FLNB: variants seen among roughly 807,000 people sequenced by gnomAD.
FLNB encodes the protein filamin B.
In FLNB, 111 loss-of-function variants were observed where a neutral mutation model predicts 250.6. That is an observed-to-expected ratio of 0.44 (90% CI 0.38 to 0.52). The LOEUF is 0.52. FLNB is among the 20% of genes least tolerant of loss of function. The probability of loss-of-function intolerance (pLI) is 0.00; values close to 1 mark genes in which losing one functional copy is unlikely to be tolerated. For synonymous variants in FLNB, 1,302 were observed against 1,372.1 expected (o/e 0.95, Z 1.13); for missense variants, 2,869 against 3,447.8 (o/e 0.83, Z 4.20).
At chr3:58,027,456 A>G (rs920587890) in intron 1 of FLNB, among the ~76,000 whole-genome samples, 1 of 151,900 alleles carries the variant, frequency 6.6e-6, no homozygotes, top group African/African-American at 2.4e-5. Flanking sequence ...TAACTTTTGT[A>G]TTTTTAGTAT....
In FLNB at chr3:58,045,991, T is replaced by TC. The variant is rs1317824728; in HGVS notation, c.293-31053dup. 3.0e-5 allele frequency among the ~76,000 whole-genome samples: 3 copies of TC among 99,102 alleles called. No individual in the cohort carries two copies. The South Asian group carries it at 1.3e-3, about 44-fold the overall frequency. 65.0% of individuals were successfully genotyped at this position (99,102 alleles called of 152,430 possible). A position where few individuals can be genotyped will look rare whatever the true frequency, so the allele number is the denominator to read the frequency against. On this transcript the variant is annotated intron_variant, in intron 1 of 45. Coordinates refer to ENST00000295956, the MANE Select transcript of FLNB (RefSeq NM_001457.4). ...TACAGCCTGGGCTACAGAGCGAGAC[T>TC]CCGTCTCCAAAAAAAAAAAAAAAAA...
rs1164066480 is a variant in FLNB at position 58,159,538 on chromosome 3, T to C, written c.6889-16T>C. 1.2e-6 allele frequency: 2 copies of C among 1,613,882 alleles called. No individual in the cohort carries two copies. Among genetic ancestry groups the C allele is most frequent in the African/African-American group, 1.3e-5 (1 of 74,946 alleles). On this transcript the variant is annotated splice_polypyrimidine_tract_variant and intron_variant, in intron 41 of 45. Coordinates refer to ENST00000295956, the MANE Select transcript of FLNB (RefSeq NM_001457.4). ...ACGCCGAGGGCCATAACCTGTCTGA[T>C]GTATTAAATTCTCAGGAATCGGGAT...
chr3:58,101,634 C>T (rs899376360), intron 8 of FLNB, among the ~76,000 whole-genome samples: 1 of 152,194 alleles, frequency 6.6e-6, no homozygotes, highest in Non-Finnish European at 1.5e-5. Flanking sequence ...ACAGACAGCA[C>T]GAAAAGATTG....
chr3:58,024,662 A>C (rs1426503336), intron 1 of FLNB, among the ~76,000 whole-genome samples: 1 of 139,356 alleles, frequency 7.2e-6, no homozygotes, highest in Admixed American at 7.3e-5. Flanking sequence ...AACCATCATG[A>C]GTGGCATTTC....
rs369151946 is a variant in FLNB, at chr3:58,076,657, C to T, written c.293-389C>T. On this transcript the variant is annotated intron_variant, in intron 1 of 45. Coordinates refer to ENST00000295956, the MANE Select transcript of FLNB (RefSeq NM_001457.4). ...TTTTTTGGGTAGAGAGGGAGTTTTG[C>T]CATGTTGCCCAGGCTGGTCTTGAAC... Among the ~76,000 whole-genome samples, 29 of 151,090 alleles carry T rather than the reference C, an allele frequency of 1.9e-4. No individual in the cohort carries two copies. The South Asian group carries it at 6.1e-3, about 32-fold the overall frequency.
intron 43 of FLNB, 121 bp from the exon 44 acceptor site, chr3:58,168,319 C>G: frequency 1.3e-6 from 1 of 795,888 alleles, no homozygotes; most frequent in Admixed American, 2.0e-5. Context: ...CCAGTGGGTT[C>G]CCATGCCACC....
intron 42 of FLNB, among the ~76,000 whole-genome samples, chr3:58,160,165 C>T (rs1466323733): frequency 6.6e-6 from 1 of 152,182 alleles, no homozygotes; most frequent in Non-Finnish European, 1.5e-5. Flanking sequence ...CATATTGTAA[C>T]AACATCTTAC....
intron 1 of FLNB, among the ~76,000 whole-genome samples, chr3:58,070,238 T>C (rs2097192153): frequency 6.6e-6 from 1 of 151,878 alleles, no homozygotes; most frequent in Non-Finnish European, 1.5e-5. Flanking sequence ...GGAGACAGGG[T>C]TTCACCATGT....
intron 1 of FLNB, among the ~76,000 whole-genome samples, chr3:58,009,664 G>T (rs1398179865): frequency 6.6e-6 from 1 of 152,198 alleles, no homozygotes; most frequent in Non-Finnish European, 1.5e-5. Flanking sequence ...CCATTTTACA[G>T]ATAAGGGGGT....
intron 4 of FLNB, among the ~76,000 whole-genome samples, chr3:58,085,818 A>G (rs748605673): frequency 5.3e-5 from 8 of 152,196 alleles, no homozygotes; most frequent in Non-Finnish European, 1.0e-4. Context: ...AAAGCTCCGC[A>G]GAAGTTTACA....
intron 42 of FLNB, among the ~76,000 whole-genome samples, chr3:58,160,029 C>T (rs548419413): frequency 1.3e-5 from 2 of 152,052 alleles, no homozygotes; most frequent in South Asian, 4.2e-4. Context: ...CAGAGTGAGA[C>T]CCTGTCTCCA....
chr3:58,160,584 C>T (rs1466036035), intron 42 of FLNB, among the ~76,000 whole-genome samples: 1 of 152,158 alleles, frequency 6.6e-6, no homozygotes, highest in Non-Finnish European at 1.5e-5. Flanking sequence ...TTCAGGAGGG[C>T]TTCTCAGAGG....
intron 25 of FLNB, chr3:58,131,809 A>G (rs2097307891): frequency 4.2e-6 from 3 of 705,928 alleles, no homozygotes; most frequent in Non-Finnish European, 7.4e-6. Flanking sequence ...GTTTGTGTGC[A>G]TGTATGTGTC....
intron 1 of FLNB, among the ~76,000 whole-genome samples, chr3:58,018,752 A>G (rs1244758483): frequency 6.6e-6 from 1 of 152,110 alleles, no homozygotes; most frequent in Middle Eastern, 3.4e-3. Flanking sequence ...TCCCAACCTC[A>G]GGTAATCCGC....
intron 26 of FLNB, among the ~76,000 whole-genome samples, chr3:58,133,852 TTAC>T (rs2097311912): frequency 6.6e-6 from 1 of 152,218 alleles, no homozygotes; most frequent in African/African-American, 2.4e-5. Context: ...GTATATTGCT[TTAC>T]TAATATACCA....
chr3:58,073,574 ATTTTTTTT>A (rs71091339), intron 1 of FLNB, among the ~76,000 whole-genome samples: 1 of 143,910 alleles, frequency 6.9e-6, no homozygotes, highest in South Asian at 2.2e-4. Context: ...GAAGTTCTTA[ATTTTTTTT>A]TTTTTTTTGG....
chr3:58,079,345 C>T (rs540304065), intron 3 of FLNB, among the ~76,000 whole-genome samples: 43 of 151,946 alleles, frequency 2.8e-4, no homozygotes, highest in East Asian at 3.9e-4. Context: ...CTCTGCCTCC[C>T]GGGTTCAAGC....
Position 58,168,478 on chromosome 3 carries a change from G to A in FLNB, c.7237G>A (p.Gly2413Ser). The A allele has an allele frequency of 6.2e-7, 1 of 1,614,204 alleles. No homozygotes were observed. The change falls in exon 44 of 46, where the codon GGT becomes AGT. Residue 2413 changes from glycine to serine, a missense_variant. Physicochemically the swap from Gly to Ser is moderately conservative, Grantham distance 56. Transcript: ENST00000295956. Reference sequence around the variant, plus strand: ...ATTCTTTATTAACACCACCCGAGCAGGTCCAGGGACATTATCCGTCACCAT... The same window carrying A: ...ATTCTTTATTAACACCACCCGAGCAAGTCCAGGGACATTATCCGTCACCAT... ...SEFFINTTRA[G>S]PGTLSVTIEG... is the part of the protein sequence containing the mutation.
chr3:58,076,863 T>C (rs1424185115), intron 1 of FLNB, among the ~76,000 whole-genome samples, 183 bp from the exon 2 acceptor site: 1 of 152,232 alleles, frequency 6.6e-6, no homozygotes, highest in Non-Finnish European at 1.5e-5. Flanking sequence ...CATTTTGGAA[T>C]CATATTTCAT....
Sources: allele counts gnomAD v4.1 joint callset (sites outside exome capture counted in the v4.1 genomes callset), GRCh38; gene constraint gnomAD v4.1.1; transcripts MANE v1.5; gene names NCBI Gene and HGNC (gene_info 2026-07-23, HGNC 2026-07-21).